The following IAPP variants were observed in gnomAD, a reference collection of about 807,000 sequenced individuals.
The protein encoded by IAPP is islet amyloid polypeptide.
In IAPP, 4 loss-of-function variants were observed where a neutral mutation model predicts 2.9. That is an observed-to-expected ratio of 1.39 (90% CI 0.69 to 3.19). The LOEUF (loss-of-function observed/expected upper bound fraction) is 3.19. Among genes scored for constraint, IAPP ranks in the 30% most tolerant of loss-of-function variants. IAPP has a pLI of 0.01. For synonymous variants in IAPP, 40 were observed against 42.1 expected, an observed-to-expected ratio of 0.95 and a Z score of 0.19; for missense variants, 114 against 105.3, an observed-to-expected ratio of 1.08 and a Z score of -0.36.
At chr12:21,357,621 G>A (rs1233047169) in intron 1 of IAPP, among the ~76,000 whole-genome samples, 3 of 152,152 alleles carry the variant, frequency 2.0e-5, no homozygotes, top group Non-Finnish European at 2.9e-5. Context: ...GATGCTCTAA[G>A]TATTATTGAA....
At chr12:21,375,288 T>C (rs1176188738) in intron 2 of IAPP, among the ~76,000 whole-genome samples, 1 of 152,224 alleles carries the variant, frequency 6.6e-6, no homozygotes, top group African/African-American at 2.4e-5. Context: ...CTTTTTAATA[T>C]GTTGCCTGAA....
At chr12:21,362,622 A>C (rs1939008102) in intron 1 of IAPP, among the ~76,000 whole-genome samples, 1 of 152,202 alleles carries the variant, frequency 6.6e-6, no homozygotes, top group Non-Finnish European at 1.5e-5. Flanking sequence ...ATAAAGAGTC[A>C]AGACGCATCA....
chr12:21,364,885 C>G (rs1281446019), intron 1 of IAPP, among the ~76,000 whole-genome samples: 1 of 151,928 alleles, frequency 6.6e-6, no homozygotes, highest in Non-Finnish European at 1.5e-5. Context: ...CACTGCTCAG[C>G]AAAATAAAAC....
At chr12:21,361,509 C>G (rs1938880145) in intron 1 of IAPP, among the ~76,000 whole-genome samples, 1 of 152,108 alleles carries the variant, frequency 6.6e-6, no homozygotes, top group African/African-American at 2.4e-5. Flanking sequence ...AGCTCCTTGC[C>G]AGTAATGGAA....
upstream of IAPP, among the ~76,000 whole-genome samples, chr12:21,367,940 C>T (rs1939511685): frequency 6.6e-6 from 1 of 152,110 alleles, no homozygotes; most frequent in Admixed American, 6.6e-5. Context: ...TGTTCTCTTT[C>T]ATTGAAGAAT....
At position 21,372,976 on chromosome 12, in the gene IAPP, T is replaced by A. The variant is rs1203867379; in HGVS notation, c.-44T>A. ...CTTTCTTTCTATCAGAAGCATTTGC[T>A]GATATTGCTGACATTGAAACATTAA... On this transcript the variant is annotated 5_prime_UTR_variant, in exon 1 of 3. Transcript: ENST00000240652. 1 of 249,618 alleles carries A rather than the reference T, an allele frequency of 4.0e-6. No individual in the cohort carries two copies. Among genetic ancestry groups the A allele is most frequent in the Non-Finnish European group, 7.8e-6 (1 of 128,898 alleles). The allele number at this position is 249,618 out of a possible 1,614,324, so 15.5% of individuals were successfully genotyped here.
At chr12:21,373,784 T>A in intron 2 of IAPP, 1 of 669,312 alleles carries the variant, frequency 1.5e-6, no homozygotes, top group Non-Finnish European at 2.7e-6. Flanking sequence ...CAGAGAAACT[T>A]AACTAAAGCA....
chr12:21,376,332 C>T (rs1940189031), intron 2 of IAPP: 2 of 357,982 alleles, frequency 5.6e-6, no homozygotes, highest in African/African-American at 2.2e-5. Flanking sequence ...GATGTTTGGA[C>T]CAAATTCCAA....
intron 1 of IAPP, among the ~76,000 whole-genome samples, chr12:21,361,336 A>C (rs1411743877): frequency 1.3e-5 from 2 of 152,240 alleles, no homozygotes; most frequent in Non-Finnish European, 2.9e-5. Context: ...GACTGTTAGA[A>C]GGAAAACTAA....
At chr12:21,377,830 T>C (rs2137112025) in intron 2 of IAPP, among the ~76,000 whole-genome samples, 1 of 152,322 alleles carries the variant, frequency 6.6e-6, no homozygotes, top group African/African-American at 2.4e-5. Context: ...TGGAAAGATG[T>C]AGAAATAATT....
intron 1 of IAPP, among the ~76,000 whole-genome samples, chr12:21,363,683 A>G (rs1002894423): frequency 2.6e-5 from 4 of 152,210 alleles, no homozygotes; most frequent in Admixed American, 1.3e-4. Flanking sequence ...GAGAAGTGTC[A>G]AACAGAAGCA....
chr12:21,363,761 A>T (rs977572608), intron 1 of IAPP, among the ~76,000 whole-genome samples: 8 of 152,232 alleles, frequency 5.3e-5, no homozygotes, highest in Middle Eastern at 3.2e-3. Flanking sequence ...AGAGAATACT[A>T]TAAACACCTC....
In IAPP at chr12:21,379,342, T is replaced by G. The variant is rs1489036208; in HGVS notation, c.*916T>G. On this transcript the variant is annotated 3_prime_UTR_variant, in exon 3 of 3. Transcript: ENST00000240652. ...GGGTTTCATTGTGTGTTAGCAGCAG[T>G]GAGCTTCTATTAAATGTATATGTCA... The G allele has an allele frequency of 2.0e-5, 3 of 152,220 alleles. No homozygotes were observed. The highest frequency in any genetic ancestry group is 4.4e-5 in the Non-Finnish European group (3 of 68,036). 9.4% of individuals were successfully genotyped at this position (152,220 alleles called of 1,614,324 possible). A position where few individuals can be genotyped will look rare whatever the true frequency, so the allele number is the denominator to read the frequency against.
rs1940462502 is a variant in IAPP at position 21,379,653 on chromosome 12, A to G, written c.*1227A>G. The G allele has an allele frequency of 6.6e-6, 1 of 152,158 alleles. No homozygotes were observed. The highest frequency in any genetic ancestry group is 1.5e-5 in the Non-Finnish European group (1 of 68,040). 9.4% of individuals were successfully genotyped at this position (152,158 alleles called of 1,614,324 possible). A position where few individuals can be genotyped will look rare whatever the true frequency, so the allele number is the denominator to read the frequency against. On this transcript the variant is annotated 3_prime_UTR_variant, in exon 3 of 3. Transcript: ENST00000240652. The stretch of plus-strand genomic sequence containing the variant: ...GAATATCTGCTTTTCCCTGACTTTG[A>G]GTTAGGTAGCTTTGGAAGTAGCATT...
chr12:21,360,127 G>A (rs368635773), intron 1 of IAPP, among the ~76,000 whole-genome samples: 1 of 152,250 alleles, frequency 6.6e-6, no homozygotes, highest in East Asian at 1.9e-4. Context: ...GCAGTTACCT[G>A]AGGAGTGGGT....
chr12:21,359,043 G>T (rs1938603883), intron 1 of IAPP, among the ~76,000 whole-genome samples: 5 of 152,136 alleles, frequency 3.3e-5, no homozygotes, highest in Admixed American at 3.3e-4. Flanking sequence ...ATGTTAACAG[G>T]AAGCAAGCTG....
At chr12:21,366,982 T>G (rs1470999671) in intron 1 of IAPP, among the ~76,000 whole-genome samples, 1 of 151,816 alleles carries the variant, frequency 6.6e-6, no homozygotes, top group Non-Finnish European at 1.5e-5. Context: ...TAACACAAAT[T>G]TATATATTAA....
upstream of IAPP, among the ~76,000 whole-genome samples, chr12:21,371,994 A>G (rs1286619275): frequency 6.6e-6 from 1 of 151,826 alleles, no homozygotes; most frequent in African/African-American, 2.4e-5. Context: ...AAAGAGTGAA[A>G]CTTCATCTCA....
chr12:21,355,596 T>C (rs1000069224), intron 1 of IAPP, among the ~76,000 whole-genome samples: 2 of 152,280 alleles, frequency 1.3e-5, no homozygotes, highest in Admixed American at 1.3e-4. Flanking sequence ...GGAGCTAAAG[T>C]GATCCTAGAT....
Sources: allele counts gnomAD v4.1 joint callset (sites outside exome capture counted in the v4.1 genomes callset), GRCh38; gene constraint gnomAD v4.1.1; transcripts MANE v1.5; gene names NCBI Gene and HGNC (gene_info 2026-07-23, HGNC 2026-07-21).